The following DCTD variants were observed in gnomAD, a reference collection of about 807,000 sequenced individuals.
DCTD encodes the protein deoxycytidylate deaminase.
DCTD carries 23 observed loss-of-function variants against 21.0 expected under a neutral mutation model. That is an observed-to-expected ratio of 1.09 (90% CI 0.79 to 1.55). The LOEUF (loss-of-function observed/expected upper bound fraction) is 1.55, where lower values mean the gene tolerates loss of function less well. Among genes scored for constraint, DCTD ranks in the 40% most tolerant of loss-of-function variants. The pLI, the probability that DCTD is intolerant of heterozygous loss-of-function variation, is 0.00. For synonymous variants in DCTD, 71 were observed against 81.1 expected (o/e 0.88, Z 0.67); for missense variants, 224 against 230.0 (o/e 0.97, Z 0.17).
chr4:182,915,046 T>C lies in DCTD; in HGVS notation c.121A>G (p.Ile41Val), dbSNP rs200811706. The change falls in exon 3 of 6, where the codon ATC becomes GTC. Residue 41 changes from isoleucine (I) to valine (V), a missense_variant. Coordinates refer to ENST00000438320, the MANE Select transcript of DCTD (RefSeq NM_001921.3). ...KDPNSQVGAC[I>V]VNSENKIVGI... ...ACAATCTTGTTTTCTGAATTCACGA[T>C]GCAGGCGCCGACCTAGAAGGAAACA... 16 of 1,614,220 alleles carry C rather than the reference T, an allele frequency of 9.9e-6. No individual in the cohort carries two copies. Among genetic ancestry groups the C allele is most frequent in the Non-Finnish European group, 1.3e-5 (15 of 1,180,032 alleles).
rs140548364 is a variant in DCTD, at chr4:182,892,586, A to G, written c.458+445T>C. Reference sequence around the variant, plus strand: ...GGAGGTTGCAGTGAGCCAGGATCGCACCACTGCACTCTAGCCTGGTGACAG... The same window carrying G: ...GGAGGTTGCAGTGAGCCAGGATCGCGCCACTGCACTCTAGCCTGGTGACAG... On this transcript the variant is annotated intron_variant, in intron 5 of 5. Transcript: ENST00000438320. Among the ~76,000 whole-genome samples, 1,457 of 151,852 alleles carry G rather than the reference A, an allele frequency of 9.6e-3. 25 individuals carry two copies. The highest frequency in any genetic ancestry group is 0.033 in the African/African-American group (1,364 of 41,378).
At chr4:182,897,518 A>G (rs1304247964) in intron 3 of DCTD, among the ~76,000 whole-genome samples, 4 of 150,846 alleles carry the variant, frequency 2.7e-5, no homozygotes, top group African/African-American at 9.7e-5. Context: ...ATATATATAT[A>G]TATATATTTA....
At chr4:182,913,154 G>A (rs1421759580) in intron 3 of DCTD, among the ~76,000 whole-genome samples, 4 of 152,128 alleles carry the variant, frequency 2.6e-5, no homozygotes, top group Non-Finnish European at 5.9e-5. Context: ...ACCATCAAAA[G>A]CTTATAGAAT....
Position 182,893,081 on chromosome 4 carries a change from G to A in DCTD, c.408C>T (p.Asp136=), listed in dbSNP as rs369366826. The A allele has an allele frequency of 6.1e-5, 99 of 1,612,412 alleles. No individual in the cohort carries two copies. The highest frequency in any genetic ancestry group is 3.3e-4 in the Middle Eastern group (2 of 6,056). ...ACAGGAGCCTCGCAGCAGTTGCCTC[G>A]TCACTATCATGGTATTTATCAGACA... The part of the protein sequence containing the change: ...IFMSDKYHDS[D]EATAARLLFN... The change falls in exon 5 of 6, where the codon GAC becomes GAT. Residue 136 remains aspartate, a synonymous_variant. Transcript: ENST00000438320.
At position 182,890,637 on chromosome 4, in the gene DCTD, C is replaced by T. The variant is rs1220115653; in HGVS notation, c.*762G>A. ...GGCAACAAGGAGAGACAGGCTGTCTCCTCTAGGAACAACTCATTATTCAGC... is the reference window on the plus strand; with the variant it reads ...GGCAACAAGGAGAGACAGGCTGTCTTCTCTAGGAACAACTCATTATTCAGC... On this transcript the variant is annotated 3_prime_UTR_variant, in exon 6 of 6. Transcript: ENST00000438320. 6.6e-6 allele frequency: 1 copy of T among 152,220 alleles called. No individual in the cohort carries two copies. Among genetic ancestry groups the T allele is most frequent in the African/African-American group, 2.4e-5 (1 of 41,444 alleles). 9.4% of individuals were successfully genotyped at this position (152,220 alleles called of 1,614,324 possible).
In DCTD at chr4:182,893,082, T is replaced by C; in HGVS notation, c.407A>G (p.Asp136Gly). The C allele has an allele frequency of 6.2e-7, 1 of 1,612,802 alleles. No homozygotes were observed. Among genetic ancestry groups the C allele is most frequent in the Non-Finnish European group, 8.5e-7 (1 of 1,179,290 alleles). Residue 136 changes from aspartate (D) to glycine (G), a missense_variant, in exon 5 of 6, where the codon GAC becomes GGC. Coordinates refer to ENST00000438320, the MANE Select transcript of DCTD (RefSeq NM_001921.3). The stretch of plus-strand genomic sequence containing the variant: ...CAGGAGCCTCGCAGCAGTTGCCTCG[T>C]CACTATCATGGTATTTATCAGACAT... ...IFMSDKYHDS[D>G]EATAARLLFN...
intron 5 of DCTD, among the ~76,000 whole-genome samples, chr4:182,891,950 A>G (rs1733832288): frequency 7.1e-6 from 1 of 140,310 alleles, no homozygotes; most frequent in Non-Finnish European, 1.5e-5. Flanking sequence ...ATGCAAACAT[A>G]AACCAACTTT....
At chr4:182,894,240 T>C (rs980113418) in intron 4 of DCTD, among the ~76,000 whole-genome samples, 2 of 152,238 alleles carry the variant, frequency 1.3e-5, no homozygotes, top group Non-Finnish European at 2.9e-5. Flanking sequence ...CCTGTGTTGT[T>C]TTTTGGCAGC....
intron 3 of DCTD, among the ~76,000 whole-genome samples, chr4:182,897,715 C>A (rs1228525001): frequency 6.6e-6 from 1 of 152,178 alleles, no homozygotes; most frequent in African/African-American, 2.4e-5. Context: ...GTACCCTTCC[C>A]CAGACCCCCT....
At chr4:182,903,391 A>G (rs1736095555) in intron 3 of DCTD, among the ~76,000 whole-genome samples, 1 of 152,052 alleles carries the variant, frequency 6.6e-6, no homozygotes, top group Non-Finnish European at 1.5e-5. Context: ...AAAGTAACTG[A>G]GCCCTCCCGC....
At chr4:182,908,641 C>T (rs1737134184) in intron 3 of DCTD, among the ~76,000 whole-genome samples, 1 of 142,742 alleles carries the variant, frequency 7.0e-6, no homozygotes. Flanking sequence ...CAAGATTGTG[C>T]CACTGCACTC....
chr4:182,915,591 G>T lies in DCTD; in HGVS notation c.-7-16C>A. On this transcript the variant is annotated splice_polypyrimidine_tract_variant and intron_variant, in intron 1 of 5. Coordinates refer to ENST00000438320, the MANE Select transcript of DCTD (RefSeq NM_001921.3). Reference sequence around the variant, plus strand: ...CATGTTGGGTCTAGAAGAAAAACATGACAAAACAGAAGTTGAGAGAAGCAT... The same window carrying T: ...CATGTTGGGTCTAGAAGAAAAACATTACAAAACAGAAGTTGAGAGAAGCAT... The T allele has an allele frequency of 6.6e-7, 1 of 1,512,862 alleles. No homozygotes were observed. The highest frequency in any genetic ancestry group is 1.1e-5 in the South Asian group (1 of 89,080). 93.7% of individuals were successfully genotyped at this position (1,512,862 alleles called of 1,614,324 possible).
rs1738875023 is a variant in DCTD, at chr4:182,917,097, A to C, written c.-8+214T>G. 1 of 987,266 alleles carries C rather than the reference A, an allele frequency of 1.0e-6. No individual in the cohort carries two copies. The allele number at this position is 987,266 out of a possible 1,614,324, so 61.2% of individuals were successfully genotyped here. ...CACAGGCCGCGGCGCCCGCCGAGAA[A>C]TCGACCCTGGAGTGACTGCGGGGAC... On this transcript the variant is annotated intron_variant, in intron 1 of 5. Coordinates refer to ENST00000438320, the MANE Select transcript of DCTD (RefSeq NM_001921.3). The surrounding 1 kb of genome is among the most constrained non-coding windows in gnomAD (Gnocchi z 4.9).
In DCTD at chr4:182,917,269, G is replaced by C. The variant is rs1438894251; in HGVS notation, c.-8+42C>G. ...GACGGTGCCACGCGGCGGTGGCTAG[G>C]GGCGCGCGGGCCGCGTACCCGCACG... On this transcript the variant is annotated intron_variant, in intron 1 of 5. Transcript: ENST00000438320. The surrounding 1 kb of genome is among the most constrained non-coding windows in gnomAD (Gnocchi z 4.9). 15 of 1,029,000 alleles carry C rather than the reference G, an allele frequency of 1.5e-5. No homozygotes were observed. The highest frequency in any genetic ancestry group is 1.7e-5 in the Non-Finnish European group (15 of 860,280). 63.7% of individuals were successfully genotyped at this position (1,029,000 alleles called of 1,614,324 possible).
chr4:182,915,529 C>T lies in DCTD; in HGVS notation c.40G>A (p.Glu14Lys), dbSNP rs1488036260. The change falls in exon 2 of 6, where the codon GAA (glutamate) becomes AAA (lysine). Residue 14 changes from glutamate (E) to lysine (K), a missense_variant. Glu to Lys is a moderately conservative substitution (Grantham distance 56). Coordinates refer to ENST00000438320, the MANE Select transcript of DCTD (RefSeq NM_001921.3). ...VSCKKRDDYL[E>K]WPEYFMAVAF... ...ACAGCCATAAAATACTCTGGCCATT[C>T]CAAATAGTCGTCCCGTTTCTTGCAG... 6.2e-7 allele frequency: 1 copy of T among 1,613,894 alleles called. No individual in the cohort carries two copies. The highest frequency in any genetic ancestry group is 1.1e-5 in the South Asian group (1 of 91,076).
intron 3 of DCTD, among the ~76,000 whole-genome samples, chr4:182,899,069 A>C (rs577288043): frequency 5.9e-4 from 90 of 152,266 alleles, no homozygotes; most frequent in African/African-American, 2.1e-3. Flanking sequence ...ATTTTTTCAC[A>C]CAGCCAATCT....
chr4:182,898,481 A>C (rs1450701538), intron 3 of DCTD, among the ~76,000 whole-genome samples: 2 of 152,178 alleles, frequency 1.3e-5, no homozygotes, highest in African/African-American at 4.8e-5. Flanking sequence ...AGTACATCCG[A>C]TGTCTTTGCT....
intron 3 of DCTD, among the ~76,000 whole-genome samples, chr4:182,912,711 G>C (rs1737921104): frequency 6.6e-6 from 1 of 152,228 alleles, no homozygotes; most frequent in African/African-American, 2.4e-5. Context: ...CGGGAAGTCA[G>C]GAGAGCTGGG....
At position 182,896,185 on chromosome 4, in the gene DCTD, A is replaced by G. The variant is rs1734698321; in HGVS notation, c.245-1580T>C. Among the ~76,000 whole-genome samples the G allele has an allele frequency of 2.0e-5, 3 of 152,154 alleles. No homozygotes were observed. The South Asian group carries it at 6.2e-4, about 32-fold the overall frequency. The stretch of plus-strand genomic sequence containing the variant: ...ATTTCAGTCCCGACTCACTTGCTTC[A>G]TCGATGATCATTTACTGAGCACGTA... On this transcript the variant is annotated intron_variant, in intron 3 of 5. Transcript: ENST00000438320.
Sources: allele counts gnomAD v4.1 joint callset (sites outside exome capture counted in the v4.1 genomes callset), GRCh38; gene constraint gnomAD v4.1.1; non-coding constraint Gnocchi (gnomAD v3.1); transcripts MANE v1.5; gene names NCBI Gene and HGNC (gene_info 2026-07-23, HGNC 2026-07-21).